Variants in AUTS2 observed in about 807,000 individuals in gnomAD.
The protein encoded by AUTS2 is autism susceptibility gene 2 protein.
AUTS2 carries 17 observed loss-of-function variants against 112.4 expected under a neutral mutation model. The observed-to-expected ratio is 0.15, with a 90% CI of 0.10 to 0.23. The LOEUF is 0.23. Among genes scored for constraint, AUTS2 ranks in the 10% least tolerant of loss-of-function variants. AUTS2 has a pLI of 1.00. For missense variants in AUTS2, 1,510 were observed against 1,701.6 expected, an observed-to-expected ratio of 0.89 and a Z score of 1.98; for synonymous variants, 751 against 702.7, an observed-to-expected ratio of 1.07 and a Z score of -1.09.
intron 2 of AUTS2, among the ~76,000 whole-genome samples, chr7:70,084,805 T>C (rs917139835): frequency 3.9e-5 from 6 of 152,160 alleles, no homozygotes; most frequent in Non-Finnish European, 8.8e-5. Flanking sequence ...TTGCTTCCAG[T>C]GTGTTGTTTG....
chr7:70,747,765 C>T (rs1203245308), intron 6 of AUTS2, among the ~76,000 whole-genome samples: 4 of 151,872 alleles, frequency 2.6e-5, no homozygotes, highest in Non-Finnish European at 4.4e-5. Context: ...GGATTACAGG[C>T]GTGAGCCACT....
intron 4 of AUTS2, among the ~76,000 whole-genome samples, chr7:70,337,688 A>G (rs1283823631): frequency 6.6e-6 from 1 of 152,210 alleles, no homozygotes; most frequent in East Asian, 1.9e-4. Context: ...ATTAGTCTTT[A>G]GCACTGTGGC....
At chr7:69,613,178 C>T (rs943893176) in intron 1 of AUTS2, among the ~76,000 whole-genome samples, 2 of 152,170 alleles carry the variant, frequency 1.3e-5, no homozygotes, top group Non-Finnish European at 1.5e-5. Flanking sequence ...CTCCTTATCC[C>T]TTTACTCATT....
At chr7:70,648,738 C>T (rs1024267297) in intron 5 of AUTS2, among the ~76,000 whole-genome samples, 6 of 152,088 alleles carry the variant, frequency 3.9e-5, no homozygotes, top group African/African-American at 9.7e-5. Context: ...TGCACTACCA[C>T]GCTCAGCTAA....
chr7:69,825,570 A>C (rs1164191329), intron 1 of AUTS2, among the ~76,000 whole-genome samples: 2 of 152,036 alleles, frequency 1.3e-5, no homozygotes, highest in East Asian at 1.9e-4. Context: ...GAGGGTAACA[A>C]GTGTGTCTTT....
chr7:70,121,689 G>A (rs532686782), intron 3 of AUTS2, among the ~76,000 whole-genome samples: 2 of 152,258 alleles, frequency 1.3e-5, no homozygotes, highest in African/African-American at 4.8e-5. Context: ...AGAAGTGTTG[G>A]CAAGGATGTG....
At chr7:70,677,358 G>A (rs753118206) in intron 5 of AUTS2, among the ~76,000 whole-genome samples, 5 of 152,106 alleles carry the variant, frequency 3.3e-5, no homozygotes, top group African/African-American at 4.8e-5. Flanking sequence ...CTTTCCTCAC[G>A]GTCTTCTAAA....
At chr7:70,594,013 C>A (rs1042391904) in intron 5 of AUTS2, among the ~76,000 whole-genome samples, 1 of 152,208 alleles carries the variant, frequency 6.6e-6, no homozygotes, top group Non-Finnish European at 1.5e-5. Flanking sequence ...CTGGCCCAGG[C>A]AGCCCTCAGT....
intron 2 of AUTS2, among the ~76,000 whole-genome samples, chr7:69,929,557 T>C (rs1796152842): frequency 2.0e-5 from 3 of 152,208 alleles, no homozygotes; most frequent in African/African-American, 7.2e-5. Flanking sequence ...TTCATTCTTT[T>C]TTCTCTTTGC....
rs772532630 is a variant in AUTS2, at chr7:70,790,080, A to G, written c.2864A>G (p.Asn955Ser). Residue 955 changes from asparagine to serine, a missense_variant, in exon 19 of 19, where the codon AAC becomes AGC. By Grantham distance (46) the Asn-to-Ser change is conservative. Coordinates refer to ENST00000342771, the MANE Select transcript of AUTS2 (RefSeq NM_015570.4). The surrounding 1 kb of genome is among the most constrained non-coding windows in gnomAD (Gnocchi z 7.6). ...CCGGTGGTGGAGAGTGCCAGGCCCA[A>G]CAGCACCTCGAGCCGGGAGGCCGAG... is the stretch of plus-strand genomic sequence containing the variant. ...RTPVVESARP[N>S]STSSREAEPR... The G allele has an allele frequency of 3.2e-6, 5 of 1,577,726 alleles. No individual in the cohort carries two copies. The highest frequency in any genetic ancestry group is 2.7e-5 in the African/African-American group (2 of 74,206).
At chr7:70,023,786 C>T (rs1800392194) in intron 2 of AUTS2, among the ~76,000 whole-genome samples, 2 of 152,186 alleles carry the variant, frequency 1.3e-5, no homozygotes, top group African/African-American at 4.8e-5. Context: ...GGTGTCCATT[C>T]TGCTGCAAAT....
intron 5 of AUTS2, among the ~76,000 whole-genome samples, chr7:70,584,434 C>T (rs1220168181): frequency 2.6e-5 from 4 of 152,234 alleles, no homozygotes; most frequent in South Asian, 2.1e-4. Flanking sequence ...GTTTCATTCA[C>T]GCTGTGACAG....
intron 2 of AUTS2, among the ~76,000 whole-genome samples, chr7:70,037,091 A>G (rs1400256940): frequency 6.6e-6 from 1 of 152,232 alleles, no homozygotes. Context: ...GCCATCTGCC[A>G]CAACGTGGGT....
At chr7:70,365,209 T>C (rs1018399842) in intron 4 of AUTS2, among the ~76,000 whole-genome samples, 3 of 152,248 alleles carry the variant, frequency 2.0e-5, no homozygotes, top group African/African-American at 7.2e-5. Context: ...TTTCCCTCTT[T>C]ACTCTTCAGA....
intron 4 of AUTS2, among the ~76,000 whole-genome samples, chr7:70,142,073 A>G (rs1806894271): frequency 6.6e-6 from 1 of 152,218 alleles, no homozygotes; most frequent in Non-Finnish European, 1.5e-5. Context: ...CAACATTTAA[A>G]TGAGGGAATA....
Position 70,003,543 on chromosome 7 carries a change from G to GAA in AUTS2, c.522+104045_522+104046insAA, listed in dbSNP as rs1358916213. On this transcript the variant is annotated intron_variant, in intron 2 of 18. Transcript: ENST00000342771. The stretch of plus-strand genomic sequence containing the variant: ...TAATATATATGAATATGTTATATAT[G>GAA]TATATATAATATATATGAATATGTT... Among the ~76,000 whole-genome samples the GAA allele has an allele frequency of 1.7e-4, 18 of 108,932 alleles. No homozygotes were observed. In the East Asian group the frequency reaches 3.9e-3, roughly 24 times the overall value. The allele number at this position is 108,932 out of a possible 152,430, so 71.5% of individuals were successfully genotyped here.
At chr7:70,100,888 G>GT (rs1422834448) in intron 2 of AUTS2, among the ~76,000 whole-genome samples, 3 of 151,766 alleles carry the variant, frequency 2.0e-5, no homozygotes, top group African/African-American at 7.3e-5. Flanking sequence ...TTTTGTTTTT[G>GT]TTTTTTTGAG....
At chr7:70,001,715 T>C (rs1799203994) in intron 2 of AUTS2, among the ~76,000 whole-genome samples, 1 of 151,008 alleles carries the variant, frequency 6.6e-6, no homozygotes, top group African/African-American at 2.4e-5. Context: ...GTCATATTTT[T>C]TTTTTTTTTT....
intron 4 of AUTS2, among the ~76,000 whole-genome samples, chr7:70,306,257 G>C (rs954367676): frequency 3.3e-5 from 5 of 152,188 alleles, no homozygotes; most frequent in Admixed American, 2.6e-4. Flanking sequence ...GATGGTAGTA[G>C]ATAAAACTAG....
Sources: gnomAD v4.1 joint callset for allele counts (sites outside exome capture counted in the v4.1 genomes callset) on GRCh38, gnomAD v4.1.1 for gene constraint, Gnocchi (gnomAD v3.1) non-coding constraint, MANE v1.5 for transcripts, NCBI Gene and HGNC (gene_info 2026-07-23, HGNC 2026-07-21) for gene names.